PYHIN1: variants seen among roughly 807,000 people sequenced by gnomAD.
PYHIN1 encodes pyrin and HIN domain family member 1.
In PYHIN1, 32 loss-of-function variants were observed where a neutral mutation model predicts 43.7. The ratio of observed to expected loss-of-function variants is 0.73; its 90% CI spans 0.55 to 0.98. The LOEUF (loss-of-function observed/expected upper bound fraction) is 0.98. Ranked by LOEUF, PYHIN1 falls within the 50% of genes least tolerant of loss-of-function variation. PYHIN1 has a pLI of 0.00. For synonymous variants in PYHIN1, 205 were observed against 203.1 expected (o/e 1.01, Z -0.08); for missense variants, 588 against 589.5 (o/e 1.00, Z 0.03).
At chr1:158,950,121 T>A (rs1174973125) in intron 7 of PYHIN1, among the ~76,000 whole-genome samples, 1 of 152,168 alleles carries the variant, frequency 6.6e-6, no homozygotes, top group Non-Finnish European at 1.5e-5. Context: ...AAAGGGAGTG[T>A]CTGCCCAAGT....
intron 7 of PYHIN1, among the ~76,000 whole-genome samples, chr1:158,970,488 C>T (rs74694792): frequency 0.011 from 1,683 of 152,056 alleles, 40 homozygotes; most frequent in African/African-American, 0.039. Flanking sequence ...ATCCCCTCTA[C>T]GTCCAATATC....
rs1648976999 is a variant in PYHIN1, at chr1:158,942,395, A to G, written c.998A>G (p.His333Arg). 3 of 1,577,736 alleles carry G rather than the reference A, an allele frequency of 1.9e-6. No homozygotes were observed. The highest frequency in any genetic ancestry group is 1.2e-5 in the South Asian group (1 of 84,318). Reference protein sequence around the residue: ...GYIVYGLFMLHTKIVNRKTTI... With the variant: ...GYIVYGLFMLRTKIVNRKTTI... The stretch of plus-strand genomic sequence containing the variant: ...ATTGTATATGGATTATTTATGCTAC[A>G]TACGGTAAGGCATCAAAGCTATTTT... Residue 333 changes from histidine to arginine, a missense_variant, in exon 5 of 9, where the codon CAT becomes CGT. By Grantham distance (29) the His-to-Arg change is conservative (BLOSUM62 0). Transcript: ENST00000368140.
In PYHIN1 at chr1:158,936,902, T is replaced by A. The variant is rs754978537; in HGVS notation, c.-9T>A. ...TTTTTCTCTTGCAGGCTCACTTATA[T>A]CTTTAGAGATGGCAAATAACTACAA... On this transcript the variant is annotated 5_prime_UTR_variant, in exon 2 of 9. Coordinates refer to ENST00000368140, the MANE Select transcript of PYHIN1 (RefSeq NM_152501.5). 8.3e-6 allele frequency: 13 copies of A among 1,562,326 alleles called. No individual in the cohort carries two copies. The South Asian group carries it at 1.2e-4, about 15-fold the overall frequency.
the PYHIN1 span, among the ~76,000 whole-genome samples, chr1:158,988,931 A>T: frequency 6.6e-6 from 1 of 152,182 alleles, no homozygotes; most frequent in Non-Finnish European, 1.5e-5. Flanking sequence ...TGACAAGTGG[A>T]CACCATCAAC....
intron 7 of PYHIN1, among the ~76,000 whole-genome samples, chr1:158,966,635 G>A (rs1650649124): frequency 6.6e-6 from 1 of 152,076 alleles, no homozygotes; most frequent in South Asian, 2.1e-4. Context: ...AATCGATGCA[G>A]AAACAGCTTT....
chr1:158,966,103 T>C (rs143044021), intron 7 of PYHIN1, among the ~76,000 whole-genome samples: 1,581 of 152,232 alleles, frequency 0.01, 34 homozygotes, highest in African/African-American at 0.036. Context: ...ATCACCTCTA[T>C]GCACACAAGC....
In PYHIN1 at chr1:158,933,696, T is replaced by C. The variant is rs1355787090; in HGVS notation, c.-21+1920T>C. ...ACACTTCTATATTCTCCTACTTGTCTGTTTTTAAAACTTATATTTCCATCT... is the reference window on the plus strand; with the variant it reads ...ACACTTCTATATTCTCCTACTTGTCCGTTTTTAAAACTTATATTTCCATCT... On this transcript the variant is annotated intron_variant, in intron 1 of 8. Coordinates refer to ENST00000368140, the MANE Select transcript of PYHIN1 (RefSeq NM_152501.5). This position sits in a 1 kb window ranked among gnomAD's most constrained non-coding sequence, Gnocchi z 6.3. Among the ~76,000 whole-genome samples the C allele has an allele frequency of 6.6e-6, 1 of 152,118 alleles. No individual in the cohort carries two copies. The highest frequency in any genetic ancestry group is 1.5e-5 in the Non-Finnish European group (1 of 67,986).
intron 1 of PYHIN1, among the ~76,000 whole-genome samples, chr1:158,936,224 C>G (rs1299778819): frequency 9.2e-6 from 1 of 109,190 alleles, no homozygotes; most frequent in Non-Finnish European, 1.8e-5. Context: ...CCCCACCCCA[C>G]AACAGTCCCC....
At chr1:158,961,881 A>G (rs971266628) in intron 7 of PYHIN1, among the ~76,000 whole-genome samples, 1 of 152,136 alleles carries the variant, frequency 6.6e-6, no homozygotes, top group Non-Finnish European at 1.5e-5. Flanking sequence ...ACAGGCCTTC[A>G]GAAAAGGAGC....
chr1:158,964,410 C>T (rs935645632), intron 7 of PYHIN1, among the ~76,000 whole-genome samples: 1 of 152,062 alleles, frequency 6.6e-6, no homozygotes, highest in Non-Finnish European at 1.5e-5. Context: ...AGACCATCCC[C>T]AAGACACATA....
Position 158,960,479 on chromosome 1 carries a change from C to T in PYHIN1, c.1360-13168C>T, listed in dbSNP as rs1330598349. On this transcript the variant is annotated intron_variant, in intron 7 of 8. Coordinates refer to ENST00000368140, the MANE Select transcript of PYHIN1 (RefSeq NM_152501.5). Reference sequence around the variant, plus strand: ...ACAGCAATCCCAGGAGGATATTATGCCTTTATGGCCTCAAATACCTAAACA... The same window carrying T: ...ACAGCAATCCCAGGAGGATATTATGTCTTTATGGCCTCAAATACCTAAACA... Among the ~76,000 whole-genome samples, 4 of 152,196 alleles carry T rather than the reference C, an allele frequency of 2.6e-5. No individual in the cohort carries two copies. The East Asian group carries it at 5.8e-4, about 22-fold the overall frequency.
At chr1:158,967,451 A>T (rs970708463) in intron 7 of PYHIN1, among the ~76,000 whole-genome samples, 5 of 152,100 alleles carry the variant, frequency 3.3e-5, no homozygotes, top group Non-Finnish European at 7.4e-5. Flanking sequence ...AAGGAACACA[A>T]ACAAATAGGA....
intron 7 of PYHIN1, among the ~76,000 whole-genome samples, chr1:158,962,909 T>G (rs1650409335): frequency 6.6e-6 from 1 of 151,984 alleles, no homozygotes; most frequent in African/African-American, 2.4e-5. Flanking sequence ...GCAGTGGTTC[T>G]GCCCCTGATC....
At chr1:158,956,958 CAACAGACA>C (rs1268047744) in intron 7 of PYHIN1, among the ~76,000 whole-genome samples, 1 of 133,048 alleles carries the variant, frequency 7.5e-6, no homozygotes, top group African/African-American at 2.8e-5. Flanking sequence ...TATACACCAA[CAACAGACA>C]AACAGAGAGC....
At chr1:158,980,997 G>A (rs542161974), downstream of PYHIN1, among the ~76,000 whole-genome samples, 1 of 152,152 alleles carries the variant, frequency 6.6e-6, no homozygotes, top group South Asian at 2.1e-4. Context: ...ATTCCTCTTT[G>A]TACTGTCTTT....
At chr1:158,963,379 G>T (rs771904172) in intron 7 of PYHIN1, among the ~76,000 whole-genome samples, 33 of 152,142 alleles carry the variant, frequency 2.2e-4, no homozygotes, top group South Asian at 4.2e-4. Flanking sequence ...CGTTTCTCTG[G>T]GGTGGACCAC....
At position 158,968,351 on chromosome 1, in the gene PYHIN1, C is replaced by T. The variant is rs571681578; in HGVS notation, c.1360-5296C>T. 2.5e-4 allele frequency among the ~76,000 whole-genome samples: 38 copies of T among 152,178 alleles called. 1 individual carries two copies. In the South Asian group the frequency reaches 7.3e-3, roughly 29 times the overall value. On this transcript the variant is annotated intron_variant, in intron 7 of 8. Transcript: ENST00000368140. ...CCAACAAACATGAAAAAATGCTCAACATCACTAATTATTAGAGAAATGCAA... is the reference window on the plus strand; with the variant it reads ...CCAACAAACATGAAAAAATGCTCAATATCACTAATTATTAGAGAAATGCAA...
chr1:158,982,543 C>G, the PYHIN1 span, among the ~76,000 whole-genome samples: 1 of 152,044 alleles, frequency 6.6e-6, no homozygotes, highest in Non-Finnish European at 1.5e-5. Flanking sequence ...GTGACTGTAA[C>G]TTTGTAGTAT....
intron 7 of PYHIN1, among the ~76,000 whole-genome samples, chr1:158,950,603 T>C (rs551411334): frequency 2.0e-5 from 3 of 152,294 alleles, no homozygotes; most frequent in Non-Finnish European, 4.4e-5. Flanking sequence ...AACTGAAGGT[T>C]TTATGCCTAG....
Sources: gnomAD v4.1 joint callset for allele counts (sites outside exome capture counted in the v4.1 genomes callset) on GRCh38, gnomAD v4.1.1 for gene constraint, Gnocchi (gnomAD v3.1) non-coding constraint, MANE v1.5 for transcripts, NCBI Gene and HGNC (gene_info 2026-07-23, HGNC 2026-07-21) for gene names.